EYS: variants seen among roughly 807,000 people sequenced by gnomAD.
EYS encodes protein eyes shut homolog.
EYS carries 250 observed loss-of-function variants against 282.1 expected under a neutral mutation model. The observed-to-expected ratio is 0.89, with a 90% CI of 0.80 to 0.98. EYS has a LOEUF of 0.98. Among genes scored for constraint, EYS ranks in the 50% least tolerant of loss-of-function variants. The probability of loss-of-function intolerance (pLI) is 0.00; values close to 1 mark genes in which losing one functional copy is unlikely to be tolerated. For missense variants in EYS, 4,016 were observed against 3,709.0 expected (o/e 1.08, Z -2.15); for synonymous variants, 1,355 against 1,282.9 (o/e 1.06, Z -1.20).
chr6:64,115,168 G>T (rs1022828681), intron 31 of EYS, among the ~76,000 whole-genome samples: 1 of 152,160 alleles, frequency 6.6e-6, no homozygotes, highest in Non-Finnish European at 1.5e-5. Flanking sequence ...AACAGTGGTT[G>T]CTCTGCACAT....
chr6:64,130,817 C>A (rs771920195), intron 31 of EYS, among the ~76,000 whole-genome samples: 1 of 152,036 alleles, frequency 6.6e-6, no homozygotes, highest in East Asian at 1.9e-4. Flanking sequence ...TTGTGGGAAC[C>A]AAACAAGCTA....
At chr6:64,451,029 A>G (rs1222697592) in intron 26 of EYS, among the ~76,000 whole-genome samples, 2 of 152,218 alleles carry the variant, frequency 1.3e-5, no homozygotes, top group African/African-American at 4.8e-5. Context: ...AAGGAAATAG[A>G]GACACAAAAA....
intron 28 of EYS, among the ~76,000 whole-genome samples, chr6:64,423,325 A>T (rs1000265551): frequency 2.0e-5 from 3 of 152,246 alleles, no homozygotes; most frequent in Non-Finnish European, 4.4e-5. Flanking sequence ...CTAGACCATT[A>T]AGCAATTTAA....
At chr6:64,982,788 A>T (rs929357533) in intron 14 of EYS, among the ~76,000 whole-genome samples, 1 of 151,254 alleles carries the variant, frequency 6.6e-6, no homozygotes, top group African/African-American at 2.4e-5. Flanking sequence ...TTAAACAAAA[A>T]CTGATTTTGT....
intron 32 of EYS, among the ~76,000 whole-genome samples, chr6:64,079,078 G>C (rs750747055): frequency 2.0e-5 from 3 of 151,906 alleles, no homozygotes; most frequent in Non-Finnish European, 4.4e-5. Flanking sequence ...TTTGTCTTTC[G>C]ATTATTATGT....
chr6:64,452,257 A>T (rs1163508256), intron 26 of EYS, among the ~76,000 whole-genome samples: 1 of 152,110 alleles, frequency 6.6e-6, no homozygotes, highest in Non-Finnish European at 1.5e-5. Flanking sequence ...TCCCATTCAC[A>T]ATTGCTTCAA....
chr6:65,485,127 ATT>A (rs1765742140), intron 5 of EYS, among the ~76,000 whole-genome samples: 1 of 152,174 alleles, frequency 6.6e-6, no homozygotes, highest in Non-Finnish European at 1.5e-5. Flanking sequence ...TATGTTTCAA[ATT>A]TGTTTCCCTA....
At chr6:65,418,437 C>G (rs1183909908) in intron 5 of EYS, among the ~76,000 whole-genome samples, 1 of 151,990 alleles carries the variant, frequency 6.6e-6, no homozygotes, top group South Asian at 2.1e-4. Context: ...TTTATTTCAG[C>G]ACTATTTACA....
chr6:65,035,789 A>G (rs1162096841), intron 13 of EYS, among the ~76,000 whole-genome samples: 1 of 151,668 alleles, frequency 6.6e-6, no homozygotes, highest in Non-Finnish European at 1.5e-5. Flanking sequence ...CTGTCAAACT[A>G]GCGATGACAT....
At chr6:65,611,257 C>T (rs354386) in intron 2 of EYS, among the ~76,000 whole-genome samples, 116,780 of 151,444 alleles carry the variant, frequency 0.77, 45,117 homozygotes, top group Middle Eastern at 0.82. Flanking sequence ...TGATGAAGAA[C>T]TGAGAGAATT....
intron 12 of EYS, among the ~76,000 whole-genome samples, chr6:65,091,295 A>C (rs1454573346): frequency 3.4e-5 from 5 of 148,898 alleles, no homozygotes; most frequent in African/African-American, 1.2e-4. Flanking sequence ...AAAAAAAAAA[A>C]ACAGATTAGC....
At chr6:64,033,842 CTCTCTA>C (rs199724795) in intron 33 of EYS, among the ~76,000 whole-genome samples, 12 of 148,328 alleles carry the variant, frequency 8.1e-5, no homozygotes, top group African/African-American at 2.6e-4. Flanking sequence ...CTCTCTCTCT[CTCTCTA>C]TATATATATA....
intron 1 of EYS, among the ~76,000 whole-genome samples, chr6:65,646,513 G>A (rs1477861559): frequency 6.6e-6 from 1 of 152,068 alleles, no homozygotes; most frequent in Admixed American, 6.6e-5. Context: ...TGGAATAGAA[G>A]GGACATACCT....
rs549968357 is a variant in EYS, at chr6:65,365,941, A to G, written c.1300-12324T>C. On this transcript the variant is annotated intron_variant, in intron 8 of 42. Coordinates refer to ENST00000503581, the MANE Select transcript of EYS (RefSeq NM_001142800.2). ...TGACTTTTGAGTACAAGGTGAAAAC[A>G]TGACTTTGCAATTGTTATAGATAAC... Among the ~76,000 whole-genome samples, 11 of 151,884 alleles carry G rather than the reference A, an allele frequency of 7.2e-5. No homozygotes were observed. The South Asian group carries it at 1.2e-3, about 17-fold the overall frequency.
intron 7 of EYS, among the ~76,000 whole-genome samples, chr6:65,388,386 T>C (rs1324676516): frequency 6.6e-6 from 1 of 151,908 alleles, no homozygotes; most frequent in East Asian, 1.9e-4. Context: ...GCTATATAAT[T>C]AATAAATTAA....
chr6:63,741,839 C>T, intron 41 of EYS: 3 of 678,582 alleles, frequency 4.4e-6, no homozygotes, highest in Non-Finnish European at 8.2e-6. Flanking sequence ...TCATCTGACT[C>T]AAATTTAGAA....
chr6:64,164,734 G>A (rs917136885), intron 31 of EYS, among the ~76,000 whole-genome samples: 13 of 152,078 alleles, frequency 8.5e-5, no homozygotes, highest in African/African-American at 3.1e-4. Flanking sequence ...CCTCACTTCA[G>A]AAATAAAATG....
intron 5 of EYS, among the ~76,000 whole-genome samples, chr6:65,454,811 C>T (rs769575135): frequency 1.3e-5 from 2 of 151,978 alleles, no homozygotes; most frequent in African/African-American, 2.4e-5. Flanking sequence ...AATCAGTTCA[C>T]TGTAGATGTG....
At chr6:64,489,915 T>A (rs1776686167) in intron 26 of EYS, among the ~76,000 whole-genome samples, 1 of 150,910 alleles carries the variant, frequency 6.6e-6, no homozygotes, top group Middle Eastern at 3.4e-3. Flanking sequence ...ACATGCTTCA[T>A]GAAGAGGCCT....
Sources: gnomAD v4.1 joint callset for allele counts (sites outside exome capture counted in the v4.1 genomes callset) on GRCh38, gnomAD v4.1.1 for gene constraint, MANE v1.5 for transcripts, NCBI Gene and HGNC (gene_info 2026-07-23, HGNC 2026-07-21) for gene names.